AGMO: variants seen among roughly 807,000 people sequenced by gnomAD.
AGMO encodes the protein alkylglycerol monooxygenase, also known as glyceryl-ether monooxygenase.
In AGMO, 75 loss-of-function variants were observed where a neutral mutation model predicts 60.2. That is an observed-to-expected ratio of 1.25 (90% confidence interval 1.03 to 1.51). AGMO has a LOEUF of 1.51. AGMO is among the 40% of genes most tolerant of loss of function. The pLI, the probability that AGMO is intolerant of heterozygous loss-of-function variation, is 0.00. For synonymous variants in AGMO, 261 were observed against 177.1 expected (o/e 1.47, Z -3.76); for missense variants, 763 against 525.5 (o/e 1.45, Z -4.42).
chr7:15,557,490 G>A (rs1020865348), intron 2 of AGMO, among the ~76,000 whole-genome samples: 1 of 151,824 alleles, frequency 6.6e-6, no homozygotes. Flanking sequence ...CTGAAATATT[G>A]TTTTAAGAAT....
At chr7:15,372,942 T>C (rs1480912199) in intron 10 of AGMO, among the ~76,000 whole-genome samples, 1 of 152,122 alleles carries the variant, frequency 6.6e-6, no homozygotes, top group African/African-American at 2.4e-5. Context: ...TATGAGGCAA[T>C]AAATTATTTT....
the AGMO span, among the ~76,000 whole-genome samples, chr7:15,149,243 A>G: frequency 1.3e-5 from 2 of 152,086 alleles, no homozygotes; most frequent in Non-Finnish European, 2.9e-5. Context: ...TGGTTTGTAA[A>G]TATTTTCTCC....
intron 3 of AGMO, among the ~76,000 whole-genome samples, chr7:15,527,916 G>C (rs76511202): frequency 0.016 from 2,474 of 152,056 alleles, 57 homozygotes; most frequent in African/African-American, 0.056. Flanking sequence ...TTAGTATTGA[G>C]ATGTATTGCT....
the AGMO span, among the ~76,000 whole-genome samples, chr7:15,153,579 C>A: frequency 2.0e-5 from 3 of 152,234 alleles, no homozygotes; most frequent in South Asian, 4.1e-4. Flanking sequence ...ATTATCCCAG[C>A]ACCATTTGTT....
the AGMO span, among the ~76,000 whole-genome samples, chr7:15,176,278 G>T: frequency 6.6e-6 from 1 of 151,822 alleles, no homozygotes; most frequent in African/African-American, 2.4e-5. Flanking sequence ...TCCTCTGCAT[G>T]ATGAAGACTG....
intron 12 of AGMO, among the ~76,000 whole-genome samples, chr7:15,276,208 T>C (rs1048569729): frequency 6.6e-5 from 10 of 152,204 alleles, no homozygotes; most frequent in Admixed American, 1.3e-4. Flanking sequence ...TTTGAGCATT[T>C]CTTGTAGGAC....
At chr7:15,189,141 G>T in the AGMO span, among the ~76,000 whole-genome samples, 1 of 152,102 alleles carries the variant, frequency 6.6e-6, no homozygotes, top group East Asian at 1.9e-4. Flanking sequence ...ATTATGAGAA[G>T]AGGGGCATTG....
At chr7:15,515,470 T>C (rs528801985) in intron 3 of AGMO, among the ~76,000 whole-genome samples, 124 of 152,334 alleles carry the variant, frequency 8.1e-4, no homozygotes, top group African/African-American at 2.9e-3. Context: ...GCCCGTTAAA[T>C]CCCTGGAATT....
At chr7:15,425,095 A>C (rs1024162757) in intron 4 of AGMO, among the ~76,000 whole-genome samples, 1 of 152,176 alleles carries the variant, frequency 6.6e-6, no homozygotes, top group Non-Finnish European at 1.5e-5. Flanking sequence ...CACACTCATA[A>C]ATTAAAGTGA....
At chr7:15,469,816 T>C (rs1020571856) in intron 3 of AGMO, among the ~76,000 whole-genome samples, 1 of 151,990 alleles carries the variant, frequency 6.6e-6, no homozygotes, top group Admixed American at 6.6e-5. Context: ...AGGAGATATC[T>C]AGGAAGAGAT....
chr7:15,209,607 G>A (rs1191913131), intron 12 of AGMO, among the ~76,000 whole-genome samples: 2 of 152,126 alleles, frequency 1.3e-5, no homozygotes, highest in South Asian at 2.1e-4. Flanking sequence ...TGCAGCTTGG[G>A]GGATTTCTCT....
chr7:15,444,247 T>G (rs529635823), intron 3 of AGMO, among the ~76,000 whole-genome samples: 1 of 152,188 alleles, frequency 6.6e-6, no homozygotes, highest in Non-Finnish European at 1.5e-5. Flanking sequence ...TACATGTATT[T>G]TTGTTAGCAA....
chr7:15,512,221 C>T (rs1284990977), intron 3 of AGMO, among the ~76,000 whole-genome samples: 1 of 152,106 alleles, frequency 6.6e-6, no homozygotes, highest in East Asian at 1.9e-4. Flanking sequence ...TGTCATACAA[C>T]ACTAATGATG....
At position 15,232,883 on chromosome 7, in the gene AGMO, A is replaced by C. The variant is rs561535418; in HGVS notation, c.1264-31524T>G. ...AGCTATCACAAAAGTAGATAGTCCT[A>C]GCAACAGCAAGTAGGAGGAAAGGAA... On this transcript the variant is annotated intron_variant, in intron 12 of 12. Transcript: ENST00000342526. 7.7e-4 allele frequency among the ~76,000 whole-genome samples: 117 copies of C among 152,174 alleles called. No homozygotes were observed. The Middle Eastern group carries it at 0.01, about 13-fold the overall frequency.
chr7:15,376,698 A>G (rs1040054950), intron 10 of AGMO, among the ~76,000 whole-genome samples: 3 of 152,126 alleles, frequency 2.0e-5, no homozygotes, highest in Admixed American at 6.6e-5. Flanking sequence ...TTTGTAGAAC[A>G]TGCTAGTGCA....
At chr7:15,387,839 C>T (rs991596815) in intron 8 of AGMO, among the ~76,000 whole-genome samples, 2 of 151,648 alleles carry the variant, frequency 1.3e-5, no homozygotes, top group East Asian at 3.9e-4. Flanking sequence ...AGTTAAGAGG[C>T]TTTGCTTCCA....
the AGMO span, among the ~76,000 whole-genome samples, chr7:15,150,692 G>A: frequency 6.6e-6 from 1 of 152,230 alleles, no homozygotes; most frequent in African/African-American, 2.4e-5. Context: ...TGTACAGCTG[G>A]ATTTGATTGG....
At chr7:15,532,415 T>G (rs1784392744) in intron 3 of AGMO, among the ~76,000 whole-genome samples, 1 of 152,202 alleles carries the variant, frequency 6.6e-6, no homozygotes, top group African/African-American at 2.4e-5. Context: ...TTAAATTTGC[T>G]TTGTTTTGGT....
chr7:15,355,827 C>G (rs909354098), intron 12 of AGMO, among the ~76,000 whole-genome samples: 1 of 151,892 alleles, frequency 6.6e-6, no homozygotes, highest in African/African-American at 2.4e-5. Context: ...AAACTACAAC[C>G]TGGGAGAAGA....
Sources: allele counts gnomAD v4.1 joint callset (sites outside exome capture counted in the v4.1 genomes callset), GRCh38; gene constraint gnomAD v4.1.1; transcripts MANE v1.5; gene names NCBI Gene and HGNC (gene_info 2026-07-23, HGNC 2026-07-21).